PAK1: variants seen among roughly 807,000 people sequenced by gnomAD.
The protein encoded by PAK1 is p21 (RAC1) activated kinase 1.
PAK1 carries 29 observed loss-of-function variants against 67.4 expected under a neutral mutation model. The observed-to-expected ratio is 0.43, with a 90% CI of 0.32 to 0.59. The LOEUF (loss-of-function observed/expected upper bound fraction) is 0.59, where lower values mean the gene tolerates loss of function less well. Among genes scored for constraint, PAK1 ranks in the 20% least tolerant of loss-of-function variants. The pLI is 0.07. For synonymous variants in PAK1, 223 were observed against 237.4 expected (o/e 0.94, Z 0.56); for missense variants, 337 against 670.7 (o/e 0.50, Z 5.50).
Position 77,368,574 on chromosome 11 carries a change from T to G in PAK1, c.477+5754A>C, listed in dbSNP as rs866047674. ...AAATGCAAAGGGATTGCCAAGACAA[T>G]GGTGAAGGAAGATCCCAGAATGAGA... On this transcript the variant is annotated intron_variant, in intron 5 of 14. Transcript: ENST00000356341. Among the ~76,000 whole-genome samples the G allele has an allele frequency of 1.2e-4, 18 of 152,276 alleles. No individual in the cohort carries two copies. In the South Asian group the frequency reaches 1.2e-3, roughly 11 times the overall value.
the PAK1 span, among the ~76,000 whole-genome samples, chr11:77,505,960 T>C: frequency 1.3e-5 from 2 of 151,948 alleles, no homozygotes; most frequent in Non-Finnish European, 2.9e-5. Flanking sequence ...GAGGGATTAG[T>C]GGGAGCTGGG....
intron 1 of PAK1, among the ~76,000 whole-genome samples, chr11:77,451,686 G>A (rs535924582): frequency 3.5e-5 from 5 of 143,594 alleles, no homozygotes; most frequent in Non-Finnish European, 6.1e-5. Flanking sequence ...TGCAAGCTCC[G>A]CCTCCTGGGT....
intron 1 of PAK1, among the ~76,000 whole-genome samples, chr11:77,423,013 A>G (rs1955352546): frequency 6.6e-6 from 1 of 152,096 alleles, no homozygotes; most frequent in Admixed American, 6.6e-5. Flanking sequence ...CAAGCAACCA[A>G]TGCCCTCCCT....
At chr11:77,472,823 G>T (rs1230911599) in intron 1 of PAK1, among the ~76,000 whole-genome samples, 4 of 137,080 alleles carry the variant, frequency 2.9e-5, no homozygotes, top group Non-Finnish European at 6.2e-5. Context: ...TTATCCAAGG[G>T]GTTTAAAAAC....
At chr11:77,335,427 C>T (rs1476865678) in intron 13 of PAK1, among the ~76,000 whole-genome samples, 1 of 152,174 alleles carries the variant, frequency 6.6e-6, no homozygotes, top group Non-Finnish European at 1.5e-5. Context: ...ACCATTTCAA[C>T]AGATGGCAAC....
intron 1 of PAK1, among the ~76,000 whole-genome samples, chr11:77,442,582 G>A (rs1162525044): frequency 2.6e-5 from 4 of 152,150 alleles, no homozygotes; most frequent in Non-Finnish European, 4.4e-5. Flanking sequence ...GATGACTGCA[G>A]TCCTGGGCAA....
chr11:77,387,196 CT>C (rs1950563482), intron 2 of PAK1, among the ~76,000 whole-genome samples: 1 of 151,862 alleles, frequency 6.6e-6, no homozygotes, highest in African/African-American at 2.4e-5. Flanking sequence ...CCTCAGCCTC[CT>C]GAGTAGTTGG....
the PAK1 span, among the ~76,000 whole-genome samples, chr11:77,521,011 T>C: frequency 2.0e-5 from 3 of 152,294 alleles, no homozygotes; most frequent in Non-Finnish European, 4.4e-5. Context: ...ATATGCCCTA[T>C]CTTCCCTGCT....
chr11:77,377,746 A>C (rs943998156), intron 4 of PAK1, among the ~76,000 whole-genome samples: 1 of 152,190 alleles, frequency 6.6e-6, no homozygotes, highest in Non-Finnish European at 1.5e-5. Context: ...ATCCTTGCAA[A>C]GACTTGGCCA....
At chr11:77,447,934 G>A (rs1956689681) in intron 1 of PAK1, among the ~76,000 whole-genome samples, 1 of 152,192 alleles carries the variant, frequency 6.6e-6, no homozygotes, top group African/African-American at 2.4e-5. Context: ...GAGTACCACA[G>A]CTATTTGCTC....
chr11:77,371,963 G>T (rs1948493288), intron 5 of PAK1, among the ~76,000 whole-genome samples: 1 of 152,164 alleles, frequency 6.6e-6, no homozygotes, highest in Admixed American at 6.5e-5. Flanking sequence ...CCTTGCCACA[G>T]TGAAAAGAAC....
At chr11:77,528,804 C>T in the PAK1 span, among the ~76,000 whole-genome samples, 2 of 151,952 alleles carry the variant, frequency 1.3e-5, no homozygotes, top group African/African-American at 4.8e-5. Flanking sequence ...GCATGCTTCT[C>T]GGTTTTTCAT....
intron 4 of PAK1, among the ~76,000 whole-genome samples, chr11:77,375,605 T>G (rs1226058399): frequency 6.6e-6 from 1 of 152,256 alleles, no homozygotes; most frequent in African/African-American, 2.4e-5. Flanking sequence ...AATTGGCAGC[T>G]TTATTTTCTT....
the PAK1 span, among the ~76,000 whole-genome samples, chr11:77,511,331 C>T: frequency 6.6e-6 from 1 of 152,208 alleles, no homozygotes; most frequent in Non-Finnish European, 1.5e-5. Flanking sequence ...TAAGATCTAT[C>T]ATTTGTTATG....
rs1955597305 is a variant in PAK1 at position 77,427,213 on chromosome 11, G to C, written c.-21-34672C>G. Among the ~76,000 whole-genome samples, 3 of 152,300 alleles carry C rather than the reference G, an allele frequency of 2.0e-5. No homozygotes were observed. In the South Asian group the frequency reaches 6.2e-4, roughly 32 times the overall value. Reference sequence around the variant, plus strand: ...AAGTGTCTCTGCAGAGACAGACTGAGGGTCTCTGCAGGGATAGGCTGTCAG... The same window carrying C: ...AAGTGTCTCTGCAGAGACAGACTGACGGTCTCTGCAGGGATAGGCTGTCAG... On this transcript the variant is annotated intron_variant, in intron 1 of 14. Transcript: ENST00000356341.
chr11:77,336,779 C>T (rs958124946), intron 12 of PAK1, among the ~76,000 whole-genome samples: 4 of 152,070 alleles, frequency 2.6e-5, no homozygotes, highest in Non-Finnish European at 4.4e-5. Context: ...ATGACACAGC[C>T]TGTTTGTCTG....
At chr11:77,345,500 T>C (rs1892788) in intron 9 of PAK1, among the ~76,000 whole-genome samples, 2,821 of 152,222 alleles carry the variant, frequency 0.019, 88 homozygotes, top group African/African-American at 0.063. Context: ...CAGCAAGAAG[T>C]ATAAAGAAGG....
At chr11:77,399,502 C>T (rs1952316101) in intron 1 of PAK1, among the ~76,000 whole-genome samples, 1 of 152,082 alleles carries the variant, frequency 6.6e-6, no homozygotes, top group Non-Finnish European at 1.5e-5. Flanking sequence ...AGTTTTACAC[C>T]AGTGCTGAAG....
intron 1 of PAK1, among the ~76,000 whole-genome samples, chr11:77,407,374 C>T (rs116651019): frequency 7.0e-4 from 107 of 152,258 alleles, no homozygotes; most frequent in African/African-American, 2.1e-3. Flanking sequence ...CCTTTACTCA[C>T]GGAGGATTGA....
Sources: gnomAD v4.1 joint callset for allele counts (sites outside exome capture counted in the v4.1 genomes callset) on GRCh38, gnomAD v4.1.1 for gene constraint, MANE v1.5 for transcripts, NCBI Gene and HGNC (gene_info 2026-07-23, HGNC 2026-07-21) for gene names.